Variants in CASK observed in about 807,000 individuals in gnomAD.
The protein encoded by CASK is peripheral plasma membrane protein CASK.
CASK carries 4 observed loss-of-function variants against 82.9 expected under a neutral mutation model. The observed-to-expected ratio is 0.05, with a 90% CI of 0.02 to 0.11. CASK has a LOEUF of 0.11. Among genes scored for constraint, CASK ranks in the 10% least tolerant of loss-of-function variants. The probability of loss-of-function intolerance (pLI) is 1.00; values close to 1 mark genes in which losing one functional copy is unlikely to be tolerated. For synonymous variants in CASK, 259 were observed against 253.5 expected (o/e 1.02, Z -0.20); for missense variants, 358 against 720.9 (o/e 0.50, Z 5.76).
intron 2 of CASK, among the ~76,000 whole-genome samples, chrX:41,852,328 T>G (rs773056564): frequency 9.0e-6 from 1 of 111,175 alleles, no homozygotes; most frequent in Admixed American, 9.6e-5. Context: ...AATTATCAAC[T>G]GTATTGCTCT....
chrX:41,699,440 T>G (rs1316487858), intron 5 of CASK, among the ~76,000 whole-genome samples: 6 of 111,662 alleles, frequency 5.4e-5, no homozygotes, highest in Non-Finnish European at 1.1e-4. Flanking sequence ...GCATTTCTGT[T>G]TGTATGGTTT....
chrX:41,861,936 ATACTATATATGTATGTATACAT>A (rs1359895262), intron 1 of CASK, among the ~76,000 whole-genome samples: 2 of 103,662 alleles, frequency 1.9e-5, no homozygotes, highest in African/African-American at 7.0e-5. Flanking sequence ...TATACTATAT[ATACTATATATGTATGTATACAT>A]ATGTATATAT....
intron 5 of CASK, chrX:41,696,929 T>C (rs1333110405): frequency 1.1e-5 from 4 of 379,853 alleles, no homozygotes; most frequent in Non-Finnish European, 1.8e-5. Flanking sequence ...CTGTAAACCA[T>C]TTCAAGGTAC....
At chrX:41,676,217 A>G (rs1042670365) in intron 5 of CASK, 7 of 1,185,932 alleles carry the variant, frequency 5.9e-6, no homozygotes, top group Non-Finnish European at 7.9e-6. Context: ...ATCATTGCAG[A>G]TATCTCTTAG....
At chrX:41,763,790 G>A (rs1569438614) in intron 3 of CASK, among the ~76,000 whole-genome samples, 1 of 111,981 alleles carries the variant, frequency 8.9e-6, no homozygotes, top group Non-Finnish European at 1.9e-5. Flanking sequence ...CCTCCTCTAT[G>A]ACGGCTCTTT....
At chrX:41,884,305 G>A (rs925375989) in intron 1 of CASK, among the ~76,000 whole-genome samples, 6 of 111,926 alleles carry the variant, frequency 5.4e-5, no homozygotes. Context: ...GAAGGAGGGG[G>A]CAGTTTGTGG....
chrX:41,595,503 G>A (rs1025519902), intron 12 of CASK, among the ~76,000 whole-genome samples: 2 of 111,864 alleles, frequency 1.8e-5, no homozygotes, highest in Non-Finnish European at 3.8e-5. Flanking sequence ...TACTCAAGAT[G>A]GGGAGGTAGG....
At chrX:41,911,066 G>C (rs1054027701) in intron 1 of CASK, among the ~76,000 whole-genome samples, 2 of 111,557 alleles carry the variant, frequency 1.8e-5, no homozygotes, top group African/African-American at 6.5e-5. Context: ...AAAGTCCTCA[G>C]TGAAAACAGC....
intron 16 of CASK, among the ~76,000 whole-genome samples, chrX:41,568,131 C>T (rs1400746753): frequency 1.4e-4 from 15 of 108,226 alleles, no homozygotes; most frequent in Non-Finnish European, 2.7e-4. Context: ...GGAGAAATAC[C>T]TAATGTAAAT....
chrX:41,569,811 T>G, intron 15 of CASK, 65 bp from the exon 16 acceptor site: 1 of 668,205 alleles, frequency 1.5e-6, no homozygotes, highest in Non-Finnish European at 2.3e-6. Context: ...TCTCTTAATA[T>G]TTGTGATTTT....
At chrX:41,718,589 TCA>T (rs1231496429) in intron 5 of CASK, among the ~76,000 whole-genome samples, 1 of 112,501 alleles carries the variant, frequency 8.9e-6, no homozygotes, top group Non-Finnish European at 1.9e-5. Context: ...ACACATTTGG[TCA>T]CAGAGGTCAT....
intron 16 of CASK, among the ~76,000 whole-genome samples, chrX:41,568,378 A>G (rs1488444390): frequency 9.0e-6 from 1 of 111,021 alleles, no homozygotes; most frequent in Non-Finnish European, 1.9e-5. Context: ...AGTGCTGTAC[A>G]CCCTCTACGC....
Position 41,542,540 on chromosome X carries a change from G to A in CASK, c.2155+151C>T, listed in dbSNP as rs1190664244. ...ATAATCAACATATTAATTGGAGGTA[G>A]GGGTTTCTTAAAGGTTTTGAAAGTT... On this transcript the variant is annotated intron_variant, in intron 22 of 26. Transcript: ENST00000378163. The A allele has an allele frequency of 6.5e-6, 3 of 459,948 alleles. No homozygotes were observed. The Admixed American group carries it at 1.1e-4, about 16-fold the overall frequency. The allele number at this position is 459,948 out of a possible 1,213,427, so 37.9% of individuals were successfully genotyped here.
chrX:41,534,584 G>T, intron 24 of CASK, 122 bp downstream of exon 24: 2 of 552,259 alleles, frequency 3.6e-6, no homozygotes, highest in Admixed American at 3.4e-5. Flanking sequence ...TTCTTTTTTT[G>T]ATTTTACAAA....
chrX:41,545,395 AT>A (rs1195199940), intron 21 of CASK, among the ~76,000 whole-genome samples: 2 of 111,862 alleles, frequency 1.8e-5, no homozygotes, highest in Non-Finnish European at 3.8e-5. Flanking sequence ...TGGATACCCA[AT>A]TGTCCTACAT....
chrX:41,600,606 A>G (rs780314324), intron 12 of CASK, among the ~76,000 whole-genome samples: 1 of 112,376 alleles, frequency 8.9e-6, no homozygotes, highest in South Asian at 3.6e-4. Flanking sequence ...TTCTAGAGTA[A>G]ATTCTAAACC....
At chrX:41,677,509 T>C (rs921090625) in intron 5 of CASK, among the ~76,000 whole-genome samples, 1 of 111,931 alleles carries the variant, frequency 8.9e-6, no homozygotes, top group Admixed American at 9.5e-5. Context: ...TCATTTAAAA[T>C]GAGAACTGAG....
At chrX:41,781,478 A>G (rs748262063) in intron 3 of CASK, among the ~76,000 whole-genome samples, 1 of 112,136 alleles carries the variant, frequency 8.9e-6, no homozygotes, top group African/African-American at 3.2e-5. Context: ...AAACTAACTG[A>G]CCTAATTTTA....
chrX:41,714,923 G>C (rs771059866), intron 5 of CASK, among the ~76,000 whole-genome samples: 2 of 112,024 alleles, frequency 1.8e-5, no homozygotes, highest in Non-Finnish European at 3.8e-5. Flanking sequence ...CATGCAGGGA[G>C]CCTCTTTTCC....
Sources: allele counts gnomAD v4.1 joint callset (sites outside exome capture counted in the v4.1 genomes callset), GRCh38; gene constraint gnomAD v4.1.1; transcripts MANE v1.5; gene names NCBI Gene and HGNC (gene_info 2026-07-23, HGNC 2026-07-21).